Variants in SLC15A5 observed in about 807,000 individuals in gnomAD.
The protein encoded by SLC15A5 is Peptide/histidine transporter ENSP00000340402.
SLC15A5 carries 58 observed loss-of-function variants against 56.1 expected under a neutral mutation model. That is an observed-to-expected ratio of 1.03 (90% CI 0.84 to 1.29). The LOEUF (loss-of-function observed/expected upper bound fraction) is 1.29, where lower values mean the gene tolerates loss of function less well. Among genes scored for constraint, SLC15A5 ranks in the 50% most tolerant of loss-of-function variants. The probability of loss-of-function intolerance (pLI) is 0.00; values close to 1 mark genes in which losing one functional copy is unlikely to be tolerated. For missense variants in SLC15A5, 681 were observed against 672.1 expected (o/e 1.01, Z -0.15); for synonymous variants, 264 against 250.5 (o/e 1.05, Z -0.51).
intron 1 of SLC15A5, among the ~76,000 whole-genome samples, chr12:16,274,661 C>T (rs769106121): frequency 1.3e-5 from 2 of 152,056 alleles, no homozygotes; most frequent in Non-Finnish European, 2.9e-5. Context: ...ACTAACTGCT[C>T]TCTTTCTACC....
At chr12:16,218,750 G>A (rs1168897759) in intron 6 of SLC15A5, among the ~76,000 whole-genome samples, 1 of 152,164 alleles carries the variant, frequency 6.6e-6, no homozygotes, top group Admixed American at 6.6e-5. Context: ...TTGCATGACT[G>A]TACTGTAAAC....
intron 5 of SLC15A5, among the ~76,000 whole-genome samples, chr12:16,227,534 G>C (rs34653646): frequency 0.088 from 13,319 of 152,212 alleles, 716 homozygotes; most frequent in South Asian, 0.24. Context: ...TAAGAAAGAA[G>C]GGTTTCAGTA....
chr12:16,232,495 A>T (rs1864308530), intron 5 of SLC15A5, among the ~76,000 whole-genome samples: 1 of 152,194 alleles, frequency 6.6e-6, no homozygotes, highest in African/African-American at 2.4e-5. Context: ...CTGGGTCAAA[A>T]GTACAATGGT....
chr12:16,251,461 A>G (rs1038814038), intron 3 of SLC15A5, among the ~76,000 whole-genome samples: 1 of 151,918 alleles, frequency 6.6e-6, no homozygotes, highest in African/African-American at 2.4e-5. Flanking sequence ...AAATAGAGGA[A>G]AGACTCAAAT....
intron 7 of SLC15A5, among the ~76,000 whole-genome samples, chr12:16,208,828 T>G (rs1425262717): frequency 2.6e-5 from 4 of 152,228 alleles, no homozygotes; most frequent in Non-Finnish European, 5.9e-5. Context: ...AGGTATGTCC[T>G]CAATATTGCA....
At chr12:16,232,082 C>T (rs1864305160) in intron 5 of SLC15A5, among the ~76,000 whole-genome samples, 1 of 152,160 alleles carries the variant, frequency 6.6e-6, no homozygotes, top group South Asian at 2.1e-4. Flanking sequence ...GATCACCAGA[C>T]ATTGGAGAAA....
chr12:16,265,480 A>G (rs1454754930), intron 2 of SLC15A5, among the ~76,000 whole-genome samples: 1 of 151,846 alleles, frequency 6.6e-6, no homozygotes, highest in South Asian at 2.1e-4. Flanking sequence ...TCTCTCCTGT[A>G]AACTTTTTTG....
chr12:16,240,275 GA>G (rs1565667604), intron 4 of SLC15A5, among the ~76,000 whole-genome samples: 1 of 151,896 alleles, frequency 6.6e-6, no homozygotes, highest in Non-Finnish European at 1.5e-5. Flanking sequence ...TTACCCTGAT[GA>G]AAAAAATGAG....
chr12:16,226,797 T>C (rs924519493), intron 5 of SLC15A5, among the ~76,000 whole-genome samples: 1 of 152,198 alleles, frequency 6.6e-6, no homozygotes, highest in African/African-American at 2.4e-5. Flanking sequence ...CTGTATCTAC[T>C]CTAACTATTC....
At chr12:16,234,836 A>T (rs1176801306) in intron 5 of SLC15A5, among the ~76,000 whole-genome samples, 1 of 152,218 alleles carries the variant, frequency 6.6e-6, no homozygotes, top group Non-Finnish European at 1.5e-5. Context: ...ATACTAAAAA[A>T]GTGGGCATGT....
Position 16,188,796 on chromosome 12 carries a change from A to G in SLC15A5, c.*872T>C, listed in dbSNP as rs974268116. The G allele has an allele frequency of 2.0e-5, 3 of 152,228 alleles. No individual in the cohort carries two copies. Among genetic ancestry groups the G allele is most frequent in the Admixed American group, 6.5e-5 (1 of 15,278 alleles). 9.4% of individuals were successfully genotyped at this position (152,228 alleles called of 1,614,324 possible). ...CAAATGTTGACAAATACTGCTACTGAGAAACAGACTTTAATTTTATTTGAT... is the reference window on the plus strand; with the variant it reads ...CAAATGTTGACAAATACTGCTACTGGGAAACAGACTTTAATTTTATTTGAT... On this transcript the variant is annotated 3_prime_UTR_variant, in exon 9 of 9. Transcript: ENST00000344941.
intron 2 of SLC15A5, among the ~76,000 whole-genome samples, chr12:16,258,751 C>T (rs1211890187): frequency 1.3e-5 from 2 of 152,084 alleles, no homozygotes; most frequent in Non-Finnish European, 2.9e-5. Context: ...ATGAGACCCA[C>T]CCAGTATAAT....
chr12:16,202,105 G>A (rs2136240249), intron 7 of SLC15A5, among the ~76,000 whole-genome samples: 1 of 152,238 alleles, frequency 6.6e-6, no homozygotes, highest in African/African-American at 2.4e-5. Flanking sequence ...AGACAAATGA[G>A]AATGTGTCAG....
Position 16,271,853 on chromosome 12 carries a change from A to C in SLC15A5, c.584+708T>G, listed in dbSNP as rs1216426176. 6.6e-6 allele frequency among the ~76,000 whole-genome samples: 1 copy of C among 152,234 alleles called. No homozygotes were observed. ...AAAAACACAAAAACCGACGAACTCC[A>C]TAAGAACTCGTTGGGAGAGACAAAG... On this transcript the variant is annotated intron_variant, in intron 2 of 8. Coordinates refer to ENST00000344941, the MANE Select transcript of SLC15A5 (RefSeq NM_001170798.1). The surrounding 1 kb of genome is among the most constrained non-coding windows in gnomAD (Gnocchi z 8.0).
At chr12:16,212,112 T>C (rs1245624405) in intron 7 of SLC15A5, among the ~76,000 whole-genome samples, 1 of 152,218 alleles carries the variant, frequency 6.6e-6, no homozygotes, top group Non-Finnish European at 1.5e-5. Context: ...AATGTATAAT[T>C]ATAGTGTTAG....
intron 2 of SLC15A5, among the ~76,000 whole-genome samples, chr12:16,272,095 T>C (rs1864765954): frequency 6.6e-6 from 1 of 152,172 alleles, no homozygotes; most frequent in African/African-American, 2.4e-5. Flanking sequence ...CATTTTTTGA[T>C]CACTTACTAT....
intron 3 of SLC15A5, among the ~76,000 whole-genome samples, chr12:16,256,579 G>T (rs1222564763): frequency 6.6e-6 from 1 of 152,176 alleles, no homozygotes; most frequent in Non-Finnish European, 1.5e-5. Context: ...TAAATTAGGG[G>T]CCGGGCGTGG....
At chr12:16,206,407 C>A (rs575974731) in intron 7 of SLC15A5, among the ~76,000 whole-genome samples, 1 of 152,312 alleles carries the variant, frequency 6.6e-6, no homozygotes. Context: ...TTAAATGCTT[C>A]ATTTGAGATT....
chr12:16,239,939 G>T (rs1864396511), intron 4 of SLC15A5, 72 bp from the exon 5 acceptor site: 1 of 1,357,116 alleles, frequency 7.4e-7, no homozygotes, highest in African/African-American at 1.5e-5. Flanking sequence ...GTCCACCAGA[G>T]GCCTACCCTC....
Sources: allele counts gnomAD v4.1 joint callset (sites outside exome capture counted in the v4.1 genomes callset), GRCh38; gene constraint gnomAD v4.1.1; non-coding constraint Gnocchi (gnomAD v3.1); transcripts MANE v1.5; gene names NCBI Gene and HGNC (gene_info 2026-07-23, HGNC 2026-07-21).